The following ELOA variants were observed in gnomAD, a reference collection of about 807,000 sequenced individuals.
ELOA encodes the protein elongin A.
In ELOA, 15 loss-of-function variants were observed where a neutral mutation model predicts 85.2. That is an observed-to-expected ratio of 0.18 (90% CI 0.12 to 0.27). ELOA has a LOEUF of 0.27. ELOA is among the 10% of genes least tolerant of loss of function. The pLI is 1.00. For synonymous variants in ELOA, 348 were observed against 357.2 expected (o/e 0.97, Z 0.29); for missense variants, 769 against 952.7 (o/e 0.81, Z 2.54).
chr1:23,754,041 G>C (rs1236730480), intron 5 of ELOA, 59 bp from the exon 6 acceptor site: 2 of 1,589,634 alleles, frequency 1.3e-6, no homozygotes, highest in Non-Finnish European at 1.7e-6. Context: ...GCTGAAGGGG[G>C]TAGAAGGAGA....
In ELOA at chr1:23,752,041, C is replaced by A; in HGVS notation, c.1425+11C>A. ...GCCAAGCTGAGAAAGGTAACCCCTT[C>A]AGCCCCTTGGTGGCTTCCCACCCAG... On this transcript the variant is annotated intron_variant, in intron 4 of 10. Coordinates refer to ENST00000613537, the MANE Select transcript of ELOA (RefSeq NM_003198.3). 1.3e-6 allele frequency: 2 copies of A among 1,579,006 alleles called. No homozygotes were observed. Among genetic ancestry groups the A allele is most frequent in the Non-Finnish European group, 1.7e-6 (2 of 1,168,474 alleles).
Sources: gnomAD v4.1 joint callset for allele counts on GRCh38, gnomAD v4.1.1 for gene constraint, MANE v1.5 for transcripts, NCBI Gene and HGNC (gene_info 2026-07-23, HGNC 2026-07-21) for gene names.